Variants in NAA35 observed in about 807,000 individuals in gnomAD.
NAA35 encodes N-alpha-acetyltransferase 35, NatC auxiliary subunit, also known as MAK10 homolog, amino-acid N-acetyltransferase subunit.
In NAA35, 18 loss-of-function variants were observed where a neutral mutation model predicts 101.7. The observed-to-expected ratio is 0.18, with a 90% confidence interval of 0.12 to 0.26. The LOEUF is 0.26. NAA35 is among the 10% of genes least tolerant of loss of function. The probability of loss-of-function intolerance (pLI) is 1.00; values close to 1 mark genes in which losing one functional copy is unlikely to be tolerated. For missense variants in NAA35, 601 were observed against 886.8 expected (o/e 0.68, Z 4.09); for synonymous variants, 267 against 273.1 (o/e 0.98, Z 0.22).
At chr9:86,002,705 CT>C (rs1460105390) in intron 12 of NAA35, among the ~76,000 whole-genome samples, 3 of 152,052 alleles carry the variant, frequency 2.0e-5, no homozygotes, top group African/African-American at 7.2e-5. Context: ...TCTGTCAGAC[CT>C]TTTAGGTTCT....
chr9:86,021,810 A>T (rs1275132856), intron 22 of NAA35, 91 bp from the exon 23 acceptor site: 20 of 1,090,650 alleles, frequency 1.8e-5, no homozygotes, highest in Non-Finnish European at 2.5e-5. Flanking sequence ...TTCTAAGAAC[A>T]CAAGAAACTC....
chr9:85,945,799 A>G (rs1828737528), intron 2 of NAA35, among the ~76,000 whole-genome samples: 2 of 152,140 alleles, frequency 1.3e-5, no homozygotes, highest in African/African-American at 4.8e-5. Flanking sequence ...GATTACAGGC[A>G]TGAGCCACTG....
At chr9:86,007,621 T>C (rs1285139847) in intron 14 of NAA35, among the ~76,000 whole-genome samples, 157 bp downstream of exon 14, 1 of 152,190 alleles carries the variant, frequency 6.6e-6, no homozygotes, top group East Asian at 1.9e-4. Flanking sequence ...TCTGCCACAT[T>C]GTTTAGATTA....
chr9:85,962,490 C>A (rs1165199700), intron 6 of NAA35, among the ~76,000 whole-genome samples: 451 of 85,746 alleles, frequency 5.3e-3, no homozygotes, highest in Middle Eastern at 0.015. Context: ...GACTCTGTCT[C>A]AAAAAAAAAA....
intron 11 of NAA35, among the ~76,000 whole-genome samples, chr9:85,989,917 G>C (rs1315166108): frequency 2.6e-5 from 4 of 152,188 alleles, no homozygotes; most frequent in African/African-American, 9.7e-5. Context: ...TATAAAGATA[G>C]GTATATTTCA....
chr9:85,980,342 C>A (rs1830384907), intron 11 of NAA35, among the ~76,000 whole-genome samples: 1 of 148,914 alleles, frequency 6.7e-6, no homozygotes, highest in South Asian at 2.1e-4. Flanking sequence ...TCTCTCCCAT[C>A]CCTGGAAGTT....
intron 17 of NAA35, 69 bp downstream of exon 17, chr9:86,013,966 T>C: frequency 8.1e-7 from 1 of 1,238,930 alleles, no homozygotes; most frequent in Non-Finnish European, 1.1e-6. Context: ...TCAGAGTTAA[T>C]TTCAGGGTAC....
chr9:85,990,150 A>C (rs1830839594), intron 11 of NAA35, among the ~76,000 whole-genome samples: 1 of 152,254 alleles, frequency 6.6e-6, no homozygotes, highest in African/African-American at 2.4e-5. Flanking sequence ...CAGAGAAGTT[A>C]AGCAGACATG....
intron 14 of NAA35, among the ~76,000 whole-genome samples, chr9:86,009,233 G>A (rs1277457442): frequency 6.6e-6 from 1 of 152,130 alleles, no homozygotes; most frequent in Non-Finnish European, 1.5e-5. Context: ...TTGCTTTAGG[G>A]TTAAAGATGT....
intron 4 of NAA35, 46 bp from the exon 5 acceptor site, chr9:85,959,747 T>G: frequency 7.1e-7 from 1 of 1,405,314 alleles, no homozygotes; most frequent in Non-Finnish European, 9.9e-7. Context: ...TAACCATAAG[T>G]TTAAAAAAAT....
intron 4 of NAA35, among the ~76,000 whole-genome samples, chr9:85,959,419 A>G (rs891564002): frequency 1.3e-5 from 2 of 151,340 alleles, no homozygotes; most frequent in Admixed American, 1.3e-4. Context: ...TTTCTTTCTA[A>G]GTAGTTTTGG....
intron 11 of NAA35, among the ~76,000 whole-genome samples, chr9:85,992,649 G>C (rs1248396865): frequency 6.6e-6 from 1 of 152,204 alleles, no homozygotes. Flanking sequence ...AGAATTACTG[G>C]TCTGTTAGTC....
chr9:85,955,643 G>A (rs1587565936), intron 2 of NAA35, among the ~76,000 whole-genome samples: 1 of 152,000 alleles, frequency 6.6e-6, no homozygotes, highest in Non-Finnish European at 1.5e-5. Context: ...GATTACAGGC[G>A]TGAGCCACCT....
intron 11 of NAA35, among the ~76,000 whole-genome samples, chr9:85,986,146 G>C (rs185571711): frequency 1.3e-5 from 2 of 152,330 alleles, no homozygotes; most frequent in East Asian, 3.9e-4. Flanking sequence ...TGTTGCATTT[G>C]ATGTATTCAG....
chr9:86,013,173 A>T (rs1051914843), intron 16 of NAA35, 29 bp downstream of exon 16: 3 of 1,382,192 alleles, frequency 2.2e-6, no homozygotes, highest in African/African-American at 2.9e-5. Context: ...TCTCTTCTAA[A>T]ATTAAATGAT....
intron 8 of NAA35, among the ~76,000 whole-genome samples, chr9:85,975,358 G>A (rs984633777): frequency 2.0e-5 from 3 of 151,898 alleles, no homozygotes; most frequent in African/African-American, 4.8e-5. Flanking sequence ...CTGCCGAAGC[G>A]AGCACAAATT....
chr9:86,012,673 G>A (rs973473159), intron 15 of NAA35, among the ~76,000 whole-genome samples: 3 of 152,138 alleles, frequency 2.0e-5, no homozygotes, highest in Admixed American at 1.3e-4. Context: ...CTCTTTTTAA[G>A]CTAATAATTA....
chr9:85,943,442 T>C (rs1828611358), intron 2 of NAA35, among the ~76,000 whole-genome samples: 2 of 152,074 alleles, frequency 1.3e-5, no homozygotes, highest in African/African-American at 4.8e-5. Flanking sequence ...GTAGGGTGTG[T>C]TTGGATAGTG....
intron 2 of NAA35, among the ~76,000 whole-genome samples, chr9:85,945,325 A>G (rs1179719641): frequency 6.6e-6 from 1 of 152,206 alleles, no homozygotes; most frequent in Non-Finnish European, 1.5e-5. Context: ...ATTTAGGACT[A>G]AAGACTGTTG....
Sources: allele counts gnomAD v4.1 joint callset (sites outside exome capture counted in the v4.1 genomes callset), GRCh38; gene constraint gnomAD v4.1.1; transcripts MANE v1.5; gene names NCBI Gene and HGNC (gene_info 2026-07-23, HGNC 2026-07-21).